ABCA6: variants seen among roughly 807,000 people sequenced by gnomAD.
The protein encoded by ABCA6 is ATP-binding cassette sub-family A member 6.
Under a neutral mutation model 191.2 loss-of-function variants are expected in ABCA6, and 164 were observed. The observed-to-expected ratio is 0.86, with a 90% CI of 0.76 to 0.98. ABCA6 has a LOEUF of 0.98. Among genes scored for constraint, ABCA6 ranks in the 50% least tolerant of loss-of-function variants. The pLI is 0.00. For synonymous variants in ABCA6, 636 were observed against 647.7 expected (o/e 0.98, Z 0.27); for missense variants, 1,958 against 1,894.1 (o/e 1.03, Z -0.63).
rs1172036430 is a variant in ABCA6, at chr17:69,117,920, A to G, written c.1473T>C (p.Ser491=). ...RNVKKEYKGK[S]GKVEALKGLL... is the part of the protein sequence containing the mutation. ...TACCTTTCAATGCTTCCACTTTTCC[A>G]GATTTTCCTTTATATTCCTTCTTAA... The change falls in exon 11 of 39, where the codon TCT becomes TCC. Residue 491 remains serine, a synonymous_variant. Transcript: ENST00000284425. The G allele has an allele frequency of 6.3e-7, 1 of 1,585,918 alleles. No homozygotes were observed. The highest frequency in any genetic ancestry group is 8.6e-7 in the Non-Finnish European group (1 of 1,160,004).
At chr17:69,129,282 AG>A (rs1192014490) in intron 7 of ABCA6, among the ~76,000 whole-genome samples, 2 of 152,182 alleles carry the variant, frequency 1.3e-5, no homozygotes, top group Non-Finnish European at 2.9e-5. Context: ...AGCACCCTTA[AG>A]GGAAAAAAAA....
chr17:69,109,736 A>C (rs189178038), intron 17 of ABCA6: 14 of 152,284 alleles, frequency 9.2e-5, no homozygotes, highest in Non-Finnish European at 1.8e-4. Flanking sequence ...GAACCGAGCT[A>C]TACCCACCTG....
intron 8 of ABCA6, among the ~76,000 whole-genome samples, chr17:69,125,878 A>G (rs868233844): frequency 2.0e-5 from 3 of 152,212 alleles, no homozygotes; most frequent in African/African-American, 7.2e-5. Context: ...GGTAAAATGT[A>G]ATATCTATTC....
At chr17:69,125,098 G>A in intron 8 of ABCA6, 63 bp from the exon 9 acceptor site, 1 of 913,068 alleles carries the variant, frequency 1.1e-6, no homozygotes, top group South Asian at 4.4e-5. Flanking sequence ...GGCATAGCAG[G>A]AAAAAGTATT....
chr17:69,084,209 G>C (rs966493590), intron 34 of ABCA6, 52 bp downstream of exon 34: 2 of 1,549,214 alleles, frequency 1.3e-6, no homozygotes, highest in African/African-American at 1.4e-5. Flanking sequence ...GTTAAAATAT[G>C]CAACCTTCCC....
At position 69,135,978 on chromosome 17, in the gene ABCA6, G is replaced by A. The variant is rs1473404635; in HGVS notation, c.460+114C>T. The stretch of plus-strand genomic sequence containing the variant: ...TTGAAATAAGTTCAGCAATGAAATG[G>A]GCTTTCCCTGTTTTCTCATGTGTCA... On this transcript the variant is annotated intron_variant, in intron 4 of 38. Transcript: ENST00000284425. The A allele has an allele frequency of 4.0e-6, 4 of 1,011,310 alleles. No individual in the cohort carries two copies. In the South Asian group the frequency reaches 6.1e-5, roughly 15 times the overall value. The allele number at this position is 1,011,310 out of a possible 1,614,324, so 62.6% of individuals were successfully genotyped here.
Position 69,136,097 on chromosome 17 carries a change from A to G in ABCA6, c.455T>C (p.Phe152Ser). The G allele has an allele frequency of 1.2e-6, 2 of 1,609,710 alleles. No homozygotes were observed. The highest frequency in any genetic ancestry group is 1.7e-6 in the Non-Finnish European group (2 of 1,177,428). Residue 152 changes from phenylalanine to serine, a missense_variant, in exon 4 of 39, where the codon TTC becomes TCC. Transcript: ENST00000284425. The stretch of plus-strand genomic sequence containing the variant: ...TATTTGATATGGAAAGTCACCTGAG[A>G]AATCTTCTTTCCAAAGTGGACTGTT... ...GYNSPLWKED[F>S]SAHCWDGYGE...
Position 69,128,515 on chromosome 17 carries a change from G to A in ABCA6, c.1119+104C>T, listed in dbSNP as rs1240715008. 4 of 795,656 alleles carry A rather than the reference G, an allele frequency of 5.0e-6. No homozygotes were observed. The Admixed American group carries it at 1.3e-4, about 27-fold the overall frequency. The allele number at this position is 795,656 out of a possible 1,614,324, so 49.3% of individuals were successfully genotyped here. ...TTTAAAGCTTAACTTTAGAAAAATT[G>A]TTTAGAATAAAAGCTCTTAGTTTGA... On this transcript the variant is annotated intron_variant, in intron 8 of 38. Coordinates refer to ENST00000284425, the MANE Select transcript of ABCA6 (RefSeq NM_080284.3).
intron 11 of ABCA6, among the ~76,000 whole-genome samples, chr17:69,116,846 A>G (rs1280476889): frequency 6.6e-6 from 1 of 152,112 alleles, no homozygotes; most frequent in Non-Finnish European, 1.5e-5. Flanking sequence ...ATTCATAATC[A>G]TATTTTTAAT....
intron 6 of ABCA6, among the ~76,000 whole-genome samples, chr17:69,130,714 T>C (rs1176094754): frequency 6.6e-6 from 1 of 152,170 alleles, no homozygotes; most frequent in East Asian, 1.9e-4. Context: ...ACCGTCCTAA[T>C]TGTAGAATTG....
intron 7 of ABCA6, 121 bp downstream of exon 7, chr17:69,129,489 C>T: frequency 2.5e-6 from 2 of 802,912 alleles, no homozygotes. Context: ...CAAGGACACA[C>T]ACATGCACAC....
rs776686731 is a variant in ABCA6 at position 69,091,145 on chromosome 17, C to G, written c.3526G>C (p.Val1176Leu). ...TLLGFKTFLEVRDQEHYREFP... is the reference protein window; with the variant it reads ...TLLGFKTFLELRDQEHYREFP... ...ACACAGTTGGTAACATTTCTTACCA[C>G]TTCCAAAAAAGTTTTAAATCCAAGC... The change falls in exon 26 of 39, where the codon GTG (valine) becomes CTG (leucine). Residue 1176 changes from valine to leucine, a missense_variant and splice_region_variant. Val to Leu is a conservative substitution (Grantham distance 32). Transcript: ENST00000284425. The G allele has an allele frequency of 7.5e-6, 12 of 1,606,564 alleles. No individual in the cohort carries two copies. The South Asian group carries it at 1.1e-4, about 15-fold the overall frequency.
At chr17:69,099,020 G>A (rs2073115854) in intron 22 of ABCA6, among the ~76,000 whole-genome samples, 1 of 152,160 alleles carries the variant, frequency 6.6e-6, no homozygotes, top group African/African-American at 2.4e-5. Flanking sequence ...TCAGGCCTGA[G>A]TAGCACGTCT....
rs775251754 is a variant in ABCA6, at chr17:69,105,494, G to A, written c.2708C>T (p.Pro903Leu). 2.5e-6 allele frequency: 4 copies of A among 1,609,666 alleles called. No individual in the cohort carries two copies. The African/African-American group carries it at 5.4e-5, about 22-fold the overall frequency. The change falls in exon 20 of 39, where the codon CCC becomes CTC. Residue 903 changes from proline to leucine, a missense_variant. Pro to Leu is a moderately conservative substitution (Grantham distance 98). Coordinates refer to ENST00000284425, the MANE Select transcript of ABCA6 (RefSeq NM_080284.3). ...ATTGATGATCAACAGGCTGGTACGG[G>A]GTTCCTGGGGAAGTTGTCCAGGAGA... Reference protein sequence around the residue: ...FLSPGQLPQEPRTSLLIINNT... With the variant: ...FLSPGQLPQELRTSLLIINNT...
Position 69,085,956 on chromosome 17 carries a change from C to T in ABCA6, c.3938-240G>A, listed in dbSNP as rs2072777879. On this transcript the variant is annotated intron_variant, in intron 30 of 38. Coordinates refer to ENST00000284425, the MANE Select transcript of ABCA6 (RefSeq NM_080284.3). ...CATCTGTCCTTTTCCCCCCAGATTA[C>T]TTGTTTCAGTTGGAAATGTGTCCAA... Among the ~76,000 whole-genome samples the T allele has an allele frequency of 2.6e-5, 4 of 152,254 alleles. No homozygotes were observed. The South Asian group carries it at 8.3e-4, about 32-fold the overall frequency.
intron 37 of ABCA6, among the ~76,000 whole-genome samples, chr17:69,079,623 A>T (rs2072580670): frequency 6.6e-6 from 1 of 152,218 alleles, no homozygotes; most frequent in South Asian, 2.1e-4. Context: ...AACTCCCTTC[A>T]GCCAGTTCAT....
In ABCA6 at chr17:69,113,482, C is replaced by T. The variant is rs1185905572; in HGVS notation, c.1903-122G>A. The T allele has an allele frequency of 7.2e-6, 11 of 1,526,398 alleles. No individual in the cohort carries two copies. In the East Asian group the frequency reaches 2.0e-4, roughly 28 times the overall value. 94.6% of individuals were successfully genotyped at this position (1,526,398 alleles called of 1,614,324 possible). A position where few individuals can be genotyped will look rare whatever the true frequency, so the allele number is the denominator to read the frequency against. ...CATCCAGCCATTTTTCTCCAATATA[C>T]TTCTATTTATAGTTAAACATAGCAG... is the stretch of plus-strand genomic sequence containing the variant. On this transcript the variant is annotated intron_variant, in intron 14 of 38. Transcript: ENST00000284425.
intron 15 of ABCA6, 191 bp from the exon 16 acceptor site, chr17:69,112,464 T>C: frequency 4.1e-6 from 2 of 492,290 alleles, no homozygotes; most frequent in South Asian, 6.1e-5. Context: ...CTCATGATAT[T>C]ATTCAGCCAT....
In ABCA6 at chr17:69,083,299, T is replaced by A. The variant is rs765984300; in HGVS notation, c.4388A>T (p.Glu1463Val). ...QAIQAVVKNT[E>V]RGVLLTTHNL... ...ATGGGTGGTCAGGAGGACACCTCTC[T>A]CTGTGTTTTTAACGACTGCCTGGAT... Residue 1463 changes from glutamate (E) to valine (V), a missense_variant, in exon 35 of 39, where the codon GAG becomes GTG. Coordinates refer to ENST00000284425, the MANE Select transcript of ABCA6 (RefSeq NM_080284.3). 3.1e-6 allele frequency: 5 copies of A among 1,602,274 alleles called. No homozygotes were observed. Among genetic ancestry groups the A allele is most frequent in the Non-Finnish European group, 4.2e-6 (5 of 1,177,080 alleles).
Sources: allele counts gnomAD v4.1 joint callset (sites outside exome capture counted in the v4.1 genomes callset), GRCh38; gene constraint gnomAD v4.1.1; transcripts MANE v1.5; gene names NCBI Gene and HGNC (gene_info 2026-07-23, HGNC 2026-07-21).